Variants in PDSS2 observed in about 807,000 individuals in gnomAD.
PDSS2 encodes all trans-polyprenyl-diphosphate synthase PDSS2.
A neutral mutation model predicts 44.5 loss-of-function variants in PDSS2; 31 were observed. That is an observed-to-expected ratio of 0.70 (90% CI 0.52 to 0.94). PDSS2 has a LOEUF of 0.94. PDSS2 is among the 40% of genes least tolerant of loss of function. The pLI, the probability that PDSS2 is intolerant of heterozygous loss-of-function variation, is 0.00. For synonymous variants in PDSS2, 157 were observed against 180.3 expected (o/e 0.87, Z 1.03); for missense variants, 452 against 482.2 (o/e 0.94, Z 0.59).
rs945851625 is a variant in PDSS2 at position 107,416,495 on chromosome 6, C to T, written c.296+42495G>A. Among the ~76,000 whole-genome samples, 11 of 152,162 alleles carry T rather than the reference C, an allele frequency of 7.2e-5. 1 individual carries two copies. The South Asian group carries it at 1.0e-3, about 14-fold the overall frequency. On this transcript the variant is annotated intron_variant, in intron 1 of 7. Transcript: ENST00000369037. ...AATTAGAATGTAATTAAAGTGTATT[C>T]TGCCTGTTTATCATTGACTAAGATA...
At chr6:107,440,481 T>C (rs753308328) in intron 1 of PDSS2, among the ~76,000 whole-genome samples, 60 of 152,252 alleles carry the variant, frequency 3.9e-4, no homozygotes, top group Non-Finnish European at 4.3e-4. Flanking sequence ...GATCTATTGC[T>C]ATAGAACACA....
chr6:107,278,781 G>T (rs896272854), intron 2 of PDSS2, among the ~76,000 whole-genome samples: 1 of 151,880 alleles, frequency 6.6e-6, no homozygotes, highest in Non-Finnish European at 1.5e-5. Context: ...ATTTTTACAG[G>T]GTCTGCCATT....
chr6:107,260,863 C>T (rs1327258580), intron 3 of PDSS2, among the ~76,000 whole-genome samples: 3 of 151,778 alleles, frequency 2.0e-5, no homozygotes. Flanking sequence ...GGGGTTTCAC[C>T]GTGTTAGCCA....
At chr6:107,190,453 G>A (rs1156513988) in intron 7 of PDSS2, among the ~76,000 whole-genome samples, 1 of 152,088 alleles carries the variant, frequency 6.6e-6, no homozygotes, top group Non-Finnish European at 1.5e-5. Flanking sequence ...GTACTGTGTT[G>A]GGTACCAGAT....
intron 2 of PDSS2, among the ~76,000 whole-genome samples, chr6:107,294,704 T>G (rs188597904): frequency 6.6e-6 from 1 of 152,290 alleles, no homozygotes; most frequent in African/African-American, 2.4e-5. Flanking sequence ...ATTAGCCCTA[T>G]TTTACAGATA....
At chr6:107,415,885 T>C (rs1315327750) in intron 1 of PDSS2, among the ~76,000 whole-genome samples, 4 of 152,190 alleles carry the variant, frequency 2.6e-5, no homozygotes, top group Admixed American at 6.5e-5. Flanking sequence ...CTCCCAGGTA[T>C]CGATTCTCTG....
intron 1 of PDSS2, among the ~76,000 whole-genome samples, chr6:107,363,570 T>C (rs1289692773): frequency 1.3e-5 from 2 of 152,176 alleles, no homozygotes; most frequent in African/African-American, 4.8e-5. Context: ...GTGTTACAGC[T>C]CATAAAAGCA....
chr6:107,187,763 A>ATG (rs1350320656), intron 7 of PDSS2, among the ~76,000 whole-genome samples: 3 of 152,150 alleles, frequency 2.0e-5, no homozygotes, highest in African/African-American at 7.2e-5. Flanking sequence ...CATAACACGA[A>ATG]TGTAATACTC....
At chr6:107,206,778 G>T (rs1348860218) in intron 6 of PDSS2, among the ~76,000 whole-genome samples, 1 of 152,128 alleles carries the variant, frequency 6.6e-6, no homozygotes, top group Non-Finnish European at 1.5e-5. Context: ...AGCTCATAAG[G>T]GCTGGACAAT....
intron 7 of PDSS2, among the ~76,000 whole-genome samples, chr6:107,165,006 G>A (rs1234579130): frequency 6.6e-6 from 1 of 152,126 alleles, no homozygotes; most frequent in Non-Finnish European, 1.5e-5. Flanking sequence ...CCCACTTTTT[G>A]ATGGGGTTGT....
At chr6:107,184,352 T>G (rs952647521) in intron 7 of PDSS2, among the ~76,000 whole-genome samples, 1 of 152,030 alleles carries the variant, frequency 6.6e-6, no homozygotes, top group Admixed American at 6.6e-5. Flanking sequence ...TACAAAAAAT[T>G]TCTATATTCA....
intron 2 of PDSS2, among the ~76,000 whole-genome samples, chr6:107,317,021 C>A (rs902330749): frequency 1.3e-5 from 2 of 152,146 alleles, no homozygotes; most frequent in Admixed American, 1.3e-4. Context: ...AGCAACTAGG[C>A]CCCATGCTGG....
chr6:107,199,895 A>G (rs1772710800), intron 6 of PDSS2, among the ~76,000 whole-genome samples: 1 of 152,188 alleles, frequency 6.6e-6, no homozygotes, highest in South Asian at 2.1e-4. Context: ...ATTTTTACCC[A>G]TATAGAACAA....
intron 1 of PDSS2, among the ~76,000 whole-genome samples, chr6:107,410,363 C>G (rs183685928): frequency 6.6e-6 from 1 of 152,338 alleles, no homozygotes; most frequent in African/African-American, 2.4e-5. Flanking sequence ...TACGCTTATC[C>G]TGGTATGAAT....
At chr6:107,430,348 A>G (rs949429125) in intron 1 of PDSS2, among the ~76,000 whole-genome samples, 2 of 151,998 alleles carry the variant, frequency 1.3e-5, no homozygotes, top group Non-Finnish European at 2.9e-5. Flanking sequence ...AAAAATACAA[A>G]AAGTAGCCAG....
At chr6:107,273,262 G>A (rs1225193355) in intron 3 of PDSS2, among the ~76,000 whole-genome samples, 1 of 151,992 alleles carries the variant, frequency 6.6e-6, no homozygotes, top group Non-Finnish European at 1.5e-5. Flanking sequence ...GGGATTACAG[G>A]AGTGAGCCAC....
At chr6:107,243,541 T>G (rs1385813643) in intron 4 of PDSS2, among the ~76,000 whole-genome samples, 2 of 152,234 alleles carry the variant, frequency 1.3e-5, no homozygotes, top group South Asian at 4.1e-4. Flanking sequence ...AATATAGATA[T>G]CTTATATGGA....
At chr6:107,425,370 T>C (rs986262816) in intron 1 of PDSS2, among the ~76,000 whole-genome samples, 20 of 152,166 alleles carry the variant, frequency 1.3e-4, no homozygotes, top group African/African-American at 4.3e-4. Context: ...TAGAGACTTG[T>C]TGAATGGCTT....
In PDSS2 at chr6:107,154,723, G is replaced by A. The variant is rs370257390; in HGVS notation, c.1096C>T (p.Arg366Cys). 176 of 1,613,962 alleles carry A rather than the reference G, an allele frequency of 1.1e-4. No individual in the cohort carries two copies. Among genetic ancestry groups the A allele is most frequent in the Non-Finnish European group, 1.4e-4 (168 of 1,179,954 alleles). The change falls in exon 8 of 8, where the codon CGT becomes TGT. Residue 366 changes from arginine (R) to cysteine (C), a missense_variant. Physicochemically the swap from Arg to Cys is radical, Grantham distance 180. Transcript: ENST00000369037. ...KGVTSAIDLC[R>C]YHGNKALEAL... ...TCCAGTGCCTTGTTTCCATGGTAAC[G>A]ACACAGGTCAATAGCTGAAGTCACA...
Sources: gnomAD v4.1 joint callset for allele counts (sites outside exome capture counted in the v4.1 genomes callset) on GRCh38, gnomAD v4.1.1 for gene constraint, MANE v1.5 for transcripts, NCBI Gene and HGNC (gene_info 2026-07-23, HGNC 2026-07-21) for gene names.